The following SCHIP1 variants were observed in gnomAD, a reference collection of about 807,000 sequenced individuals.
The protein encoded by SCHIP1 is schwannomin-interacting protein 1.
A neutral mutation model predicts 29.7 loss-of-function variants in SCHIP1; 8 were observed. That is an observed-to-expected ratio of 0.27 (90% CI 0.16 to 0.49). The LOEUF (loss-of-function observed/expected upper bound fraction) is 0.49, where lower values mean the gene tolerates loss of function less well. SCHIP1 is among the 20% of genes least tolerant of loss of function. SCHIP1 has a pLI of 0.99. For missense variants in SCHIP1, 193 were observed against 294.6 expected, an observed-to-expected ratio of 0.66 and a Z score of 2.52; for synonymous variants, 76 against 94.9, an observed-to-expected ratio of 0.80 and a Z score of 1.16.
the SCHIP1 span, among the ~76,000 whole-genome samples, chr3:159,377,966 T>C: frequency 6.6e-6 from 1 of 152,300 alleles, no homozygotes; most frequent in Non-Finnish European, 1.5e-5. Flanking sequence ...GGCCCTGTTA[T>C]GTGGGAGCAG....
the SCHIP1 span, among the ~76,000 whole-genome samples, chr3:159,587,457 C>T: frequency 1.8e-4 from 27 of 151,636 alleles, no homozygotes; most frequent in Admixed American, 1.3e-3. Flanking sequence ...AGACATTTGA[C>T]GTGAATACAT....
the SCHIP1 span, among the ~76,000 whole-genome samples, chr3:159,521,417 G>GA: frequency 6.6e-6 from 1 of 152,158 alleles, no homozygotes; most frequent in Non-Finnish European, 1.5e-5. Flanking sequence ...AAAATCAGAA[G>GA]AAAAAATCTG....
the SCHIP1 span, among the ~76,000 whole-genome samples, chr3:159,647,930 T>G: frequency 6.6e-6 from 1 of 152,144 alleles, no homozygotes; most frequent in African/African-American, 2.4e-5. Context: ...AGAAACTGAT[T>G]TTTCTGGAGA....
the SCHIP1 span, among the ~76,000 whole-genome samples, chr3:159,592,572 T>A: frequency 6.6e-6 from 1 of 151,854 alleles, no homozygotes; most frequent in African/African-American, 2.4e-5. Flanking sequence ...TTGCACATGC[T>A]CTTCCTCTCT....
At chr3:159,699,787 A>G in the SCHIP1 span, among the ~76,000 whole-genome samples, 4 of 152,212 alleles carry the variant, frequency 2.6e-5, no homozygotes, top group Admixed American at 2.6e-4. Flanking sequence ...AAGAAAATAG[A>G]GTGAGAATAT....
At chr3:159,483,243 A>T in the SCHIP1 span, among the ~76,000 whole-genome samples, 1 of 152,132 alleles carries the variant, frequency 6.6e-6, no homozygotes, top group South Asian at 2.1e-4. Context: ...TGTGATTTCT[A>T]TCCGAAAGAC....
At chr3:159,610,393 G>C in the SCHIP1 span, among the ~76,000 whole-genome samples, 2 of 151,992 alleles carry the variant, frequency 1.3e-5, no homozygotes, top group East Asian at 1.9e-4. Context: ...GAGATTTTGT[G>C]GGGGGTGATG....
At chr3:159,707,735 T>A in the SCHIP1 span, among the ~76,000 whole-genome samples, 1 of 152,196 alleles carries the variant, frequency 6.6e-6, no homozygotes, top group Non-Finnish European at 1.5e-5. Context: ...AGGGAAATTT[T>A]CCCGTAGATC....
the SCHIP1 span, among the ~76,000 whole-genome samples, chr3:159,824,879 A>G: frequency 6.6e-6 from 1 of 152,228 alleles, no homozygotes; most frequent in South Asian, 2.1e-4. Context: ...GAAAACAAAT[A>G]TGCTCTTTTT....
chr3:159,892,365 C>A, intron 6 of SCHIP1, 175 bp downstream of exon 7: 1 of 684,326 alleles, frequency 1.5e-6, no homozygotes, highest in Non-Finnish European at 2.5e-6. Flanking sequence ...ATTGTCCTTA[C>A]CAAATGCATG....
the SCHIP1 span, among the ~76,000 whole-genome samples, chr3:159,570,708 G>A: frequency 6.6e-6 from 1 of 152,084 alleles, no homozygotes; most frequent in South Asian, 2.1e-4. Flanking sequence ...TGATGGGGAT[G>A]GCATTGAATC....
At chr3:159,870,803 G>A (rs1715176890) in intron 2 of SCHIP1, among the ~76,000 whole-genome samples, 1 of 151,926 alleles carries the variant, frequency 6.6e-6, no homozygotes, top group African/African-American at 2.4e-5. Context: ...TCAGGGTTAT[G>A]CTGGCTTAAA....
At chr3:159,509,225 G>C in the SCHIP1 span, among the ~76,000 whole-genome samples, 1 of 152,088 alleles carries the variant, frequency 6.6e-6, no homozygotes, top group African/African-American at 2.4e-5. Context: ...TTATGTAATG[G>C]CCTTCTTTGT....
chr3:159,451,820 G>T, the SCHIP1 span, among the ~76,000 whole-genome samples: 1 of 152,154 alleles, frequency 6.6e-6, no homozygotes, highest in South Asian at 2.1e-4. Flanking sequence ...AGTGCTGTGA[G>T]AGCTGAGGAG....
At chr3:159,629,533 C>T in the SCHIP1 span, among the ~76,000 whole-genome samples, 1 of 152,136 alleles carries the variant, frequency 6.6e-6, no homozygotes, top group East Asian at 1.9e-4. Flanking sequence ...CTGGCAGTTG[C>T]AGTCAACAGC....
At chr3:159,802,795 A>C in the SCHIP1 span, among the ~76,000 whole-genome samples, 3 of 152,226 alleles carry the variant, frequency 2.0e-5, no homozygotes, top group African/African-American at 7.2e-5. Flanking sequence ...CTAGGACTTC[A>C]GAAAGGATAG....
At chr3:159,815,834 ATG>A in the SCHIP1 span, among the ~76,000 whole-genome samples, 2 of 151,780 alleles carry the variant, frequency 1.3e-5, no homozygotes, top group African/African-American at 2.4e-5. Context: ...TACCTTCCAA[ATG>A]TGTCTCAAAT....
chr3:159,684,912 T>C, the SCHIP1 span, among the ~76,000 whole-genome samples: 1 of 152,018 alleles, frequency 6.6e-6, no homozygotes, highest in African/African-American at 2.4e-5. Flanking sequence ...TTCAAAATGT[T>C]CCTCGAAATG....
At chr3:159,830,766 T>A in the SCHIP1 span, among the ~76,000 whole-genome samples, 1 of 152,214 alleles carries the variant, frequency 6.6e-6, no homozygotes, top group African/African-American at 2.4e-5. Flanking sequence ...TACCAGACAT[T>A]CTATCCCAGA....
Sources: gnomAD v4.1 joint callset for allele counts (sites outside exome capture counted in the v4.1 genomes callset) on GRCh38, gnomAD v4.1.1 for gene constraint, MANE v1.5 for transcripts, NCBI Gene and HGNC (gene_info 2026-07-23, HGNC 2026-07-21) for gene names.